The following PCDHGB6 variants were observed in gnomAD, a reference collection of about 807,000 sequenced individuals.
PCDHGB6 encodes protocadherin gamma-B6.
Under a neutral mutation model 59.1 loss-of-function variants are expected in PCDHGB6, and 51 were observed. That is an observed-to-expected ratio of 0.86 (90% CI 0.69 to 1.09). The LOEUF (loss-of-function observed/expected upper bound fraction) is 1.09. PCDHGB6 is among the 50% of genes least tolerant of loss of function. The probability of loss-of-function intolerance (pLI) is 0.00; values close to 1 mark genes in which losing one functional copy is unlikely to be tolerated. For synonymous variants in PCDHGB6, 466 were observed against 495.1 expected (o/e 0.94, Z 0.78); for missense variants, 1,148 against 1,205.1 (o/e 0.95, Z 0.70).
At chr5:141,502,961 A>G (rs886622146) in intron 2 of PCDHGB6, among the ~76,000 whole-genome samples, 3 of 146,786 alleles carry the variant, frequency 2.0e-5, no homozygotes, top group Non-Finnish European at 4.4e-5. Context: ...CTCCTGCCTC[A>G]GCCTCCCAAG....
intron 1 of PCDHGB6, chr5:141,424,160 C>A (rs187420643): frequency 6.3e-4 from 172 of 273,324 alleles, no homozygotes; most frequent in South Asian, 2.2e-3. Flanking sequence ...CTCTCCTTCT[C>A]ATCTATCTAT....
intron 1 of PCDHGB6, chr5:141,413,362 C>G: frequency 1.2e-6 from 2 of 1,613,988 alleles, no homozygotes; most frequent in South Asian, 1.1e-5. Context: ...GCCCCGGGAG[C>G]TGGCGGAGCG....
chr5:141,511,117 G>A lies in PCDHGB6; in HGVS notation c.2737G>A (p.Ala913Thr). Residue 913 changes from alanine to threonine, a missense_variant, in exon 4 of 4, where the codon GCC becomes ACC. Physicochemically the swap from Ala to Thr is moderately conservative, Grantham distance 58. Around this residue, in one of 5 missense-constraint regions of PCDHGB6, gnomAD observed 283 missense variants for 318.6 expected, o/e 0.89. Coordinates refer to ENST00000520790, the MANE Select transcript of PCDHGB6 (RefSeq NM_018926.3). ...TNAAGKRDGK[A>T]PAGGNGNKKK... ...CGCAGCTGGCAAGCGGGATGGCAAG[G>A]CCCCAGCAGGTGGCAATGGCAACAA... 6.2e-7 allele frequency: 1 copy of A among 1,614,216 alleles called. No homozygotes were observed. Among genetic ancestry groups the A allele is most frequent in the Non-Finnish European group, 8.5e-7 (1 of 1,180,026 alleles).
chr5:141,410,481 G>A lies in PCDHGB6; in HGVS notation c.2279G>A (p.Gly760Asp). ...TATAATCTGTGCATTGCACATACGG[G>A]TACAAAAGAGTTTAATTTCCTAAAA... ...YSYNLCIAHT[G>D]TKEFNFLKCS... is the part of the protein sequence containing the mutation. The change falls in exon 1 of 4, where the codon GGT (glycine) becomes GAT (aspartate). Residue 760 changes from glycine (G) to aspartate (D), a missense_variant. Coordinates refer to ENST00000520790, the MANE Select transcript of PCDHGB6 (RefSeq NM_018926.3). 2 of 1,613,966 alleles carry A rather than the reference G, an allele frequency of 1.2e-6. No individual in the cohort carries two copies. Among genetic ancestry groups the A allele is most frequent in the Non-Finnish European group, 1.7e-6 (2 of 1,179,896 alleles).
intron 1 of PCDHGB6, among the ~76,000 whole-genome samples, chr5:141,444,106 G>A (rs2098417269): frequency 7.6e-6 from 1 of 131,112 alleles, no homozygotes; most frequent in South Asian, 2.6e-4. Flanking sequence ...TGGAAACCAA[G>A]AAAAGTGAAG....
chr5:141,496,146 G>T (rs749790409), intron 2 of PCDHGB6, among the ~76,000 whole-genome samples: 1 of 151,170 alleles, frequency 6.6e-6, no homozygotes, highest in South Asian at 2.1e-4. Flanking sequence ...GCCTTTGATC[G>T]CAGCTCTCCA....
At chr5:141,508,570 C>T (rs1164806696) in intron 3 of PCDHGB6, among the ~76,000 whole-genome samples, 21 of 152,198 alleles carry the variant, frequency 1.4e-4, no homozygotes. Context: ...GTCACTTGCA[C>T]CCACTCGGGG....
chr5:141,450,006 C>CTATTTTTTT (rs70988802), intron 1 of PCDHGB6, among the ~76,000 whole-genome samples: 8 of 132,970 alleles, frequency 6.0e-5, no homozygotes, highest in African/African-American at 8.4e-5. Context: ...TGCCATGTCT[C>CTATTTTTTT]TTTTTTTTTT....
At chr5:141,453,205 G>C (rs570291941) in intron 1 of PCDHGB6, among the ~76,000 whole-genome samples, 2 of 151,872 alleles carry the variant, frequency 1.3e-5, no homozygotes, top group Non-Finnish European at 2.9e-5. Context: ...CCTCAACCTC[G>C]TGCACTTAAG....
intron 3 of PCDHGB6, among the ~76,000 whole-genome samples, chr5:141,510,375 G>A (rs980966602): frequency 3.4e-5 from 5 of 148,132 alleles, no homozygotes; most frequent in East Asian, 2.0e-4. Context: ...ATCTCTACTC[G>A]TGCCAGGCCT....
intron 1 of PCDHGB6, chr5:141,430,625 G>T: frequency 1.3e-6 from 1 of 788,104 alleles, no homozygotes; most frequent in Non-Finnish European, 1.9e-6. Context: ...AGCTAGGAAT[G>T]AACCATCCCT....
chr5:141,453,620 A>G (rs2098770145), intron 1 of PCDHGB6, among the ~76,000 whole-genome samples: 1 of 152,196 alleles, frequency 6.6e-6, no homozygotes. Context: ...CAAAAACAAA[A>G]CCTATACATA....
At position 141,491,539 on chromosome 5, in the gene PCDHGB6, A is replaced by G; in HGVS notation, c.2419-3268A>G. ...GTACATGGAGGTGACGCTGCGGCCC[A>G]CAGACTCGCAGAGCCACTGCTACAG... On this transcript the variant is annotated intron_variant, in intron 1 of 3. Coordinates refer to ENST00000520790, the MANE Select transcript of PCDHGB6 (RefSeq NM_018926.3). This position sits in a 1 kb window ranked among gnomAD's most constrained non-coding sequence, Gnocchi z 6.9. The G allele has an allele frequency of 6.2e-7, 1 of 1,613,968 alleles. No homozygotes were observed. The highest frequency in any genetic ancestry group is 1.1e-5 in the South Asian group (1 of 91,074).
chr5:141,470,538 A>G (rs2099232733), intron 1 of PCDHGB6, among the ~76,000 whole-genome samples: 1 of 152,140 alleles, frequency 6.6e-6, no homozygotes, highest in African/African-American at 2.4e-5. Context: ...GTATCAGGTA[A>G]TATTTATTGA....
In PCDHGB6 at chr5:141,409,662, TCTC is replaced by T. The variant is rs1473145245; in HGVS notation, c.1463_1465del (p.Ser488del). On this transcript the variant is annotated inframe_deletion, in exon 1 of 4. Transcript: ENST00000520790. ...CCGGATTTGGGGCTCAATGGCCACA[TCTC>T]CTACTCTATAGTGGCGAGTGACCTA... 2.5e-6 allele frequency: 4 copies of T among 1,613,562 alleles called. No homozygotes were observed. The highest frequency in any genetic ancestry group is 1.7e-5 in the Admixed American group (1 of 60,020).
chr5:141,420,118 T>C (rs2096468123), intron 1 of PCDHGB6: 2 of 1,613,844 alleles, frequency 1.2e-6, no homozygotes, highest in Admixed American at 1.7e-5. Flanking sequence ...ATGCCTATAA[T>C]TTTTGTGTGC....
intron 2 of PCDHGB6, among the ~76,000 whole-genome samples, chr5:141,503,954 C>T (rs2099834393): frequency 6.6e-6 from 1 of 152,186 alleles, no homozygotes; most frequent in Non-Finnish European, 1.5e-5. Flanking sequence ...GCCTACCCTA[C>T]AGCCTTTCCC....
rs1040753474 is a variant in PCDHGB6 at position 141,511,446 on chromosome 5, G to T, written c.*273G>T. 3.1e-6 allele frequency: 2 copies of T among 654,526 alleles called. No individual in the cohort carries two copies. The highest frequency in any genetic ancestry group is 3.7e-5 in the African/African-American group (2 of 54,758). 40.5% of individuals were successfully genotyped at this position (654,526 alleles called of 1,614,324 possible). A position where few individuals can be genotyped will look rare whatever the true frequency, so the allele number is the denominator to read the frequency against. ...GTAGTGGGGTTACTGTAGACACCAA[G>T]AACCATTTGCCACACCCCGTTTAGT... On this transcript the variant is annotated 3_prime_UTR_variant, in exon 4 of 4. Transcript: ENST00000520790.
chr5:141,432,088 AGACACCAAC>A lies in PCDHGB6; in HGVS notation c.2418+21473_2418+21481del, dbSNP rs1561857611. 6.2e-7 allele frequency: 1 copy of A among 1,614,148 alleles called. No individual in the cohort carries two copies. Among genetic ancestry groups the A allele is most frequent in the Admixed American group, 1.7e-5 (1 of 60,024 alleles). ...AAACTCATATCTCGCTGAACGTGGC[AGACACCAAC>A]GACAACCCGCCGGTCTTCCCTCAGG... is the stretch of plus-strand genomic sequence containing the variant. On this transcript the variant is annotated intron_variant, in intron 1 of 3. Transcript: ENST00000520790. This position sits in a 1 kb window ranked among gnomAD's most constrained non-coding sequence, Gnocchi z 6.0.
Sources: allele counts gnomAD v4.1 joint callset (sites outside exome capture counted in the v4.1 genomes callset), GRCh38; gene constraint gnomAD v4.1.1; regional missense constraint gnomAD v4.1.1; non-coding constraint Gnocchi (gnomAD v3.1); transcripts MANE v1.5; gene names NCBI Gene and HGNC (gene_info 2026-07-23, HGNC 2026-07-21).